Variants in MSH4 observed in about 807,000 individuals in gnomAD.
MSH4 encodes mutS protein homolog 4.
In MSH4, 106 loss-of-function variants were observed where a neutral mutation model predicts 113.7. The observed-to-expected ratio is 0.93, with a 90% CI of 0.80 to 1.10. The LOEUF (loss-of-function observed/expected upper bound fraction) is 1.10. Ranked by LOEUF, MSH4 falls within the 50% of genes least tolerant of loss-of-function variation. MSH4 has a pLI of 0.00. For synonymous variants in MSH4, 368 were observed against 380.2 expected (o/e 0.97, Z 0.37); for missense variants, 1,061 against 1,093.7 (o/e 0.97, Z 0.42).
chr1:75,846,868 T>C (rs1264272422), intron 7 of MSH4, among the ~76,000 whole-genome samples: 3 of 152,216 alleles, frequency 2.0e-5, no homozygotes, highest in African/African-American at 4.8e-5. Flanking sequence ...GTATTTGTTA[T>C]AGCAACAACC....
intron 6 of MSH4, among the ~76,000 whole-genome samples, chr1:75,820,472 TATTA>T (rs1177291920): frequency 1.3e-4 from 20 of 152,242 alleles, no homozygotes; most frequent in Non-Finnish European, 2.8e-4. Flanking sequence ...GTTGGTAAGC[TATTA>T]ATTATTGCCT....
At chr1:75,797,774 TATCTCTACTA>T (rs1490756145) in intron 1 of MSH4, among the ~76,000 whole-genome samples, 1 of 152,054 alleles carries the variant, frequency 6.6e-6, no homozygotes, top group Non-Finnish European at 1.5e-5. Flanking sequence ...CCCCATCCCC[TATCTCTACTA>T]AAAGTACAAA....
At position 75,858,432 on chromosome 1, in the gene MSH4, T is replaced by A. The variant is rs369224019; in HGVS notation, c.1231-9082T>A. ...ATTAATAGCTCTTATTATGTTGAGATACATTCCATTGATACCCACTTTATT... is the reference window on the plus strand; with the variant it reads ...ATTAATAGCTCTTATTATGTTGAGAAACATTCCATTGATACCCACTTTATT... On this transcript the variant is annotated intron_variant, in intron 8 of 19. Transcript: ENST00000263187. Among the ~76,000 whole-genome samples, 5 of 152,356 alleles carry A rather than the reference T, an allele frequency of 3.3e-5. No homozygotes were observed. In the South Asian group the frequency reaches 1.0e-3, roughly 32 times the overall value.
intron 7 of MSH4, among the ~76,000 whole-genome samples, chr1:75,833,722 G>A (rs112377615): frequency 2.0e-5 from 3 of 152,288 alleles, no homozygotes; most frequent in Non-Finnish European, 2.9e-5. Flanking sequence ...GGGAAAACTG[G>A]CTAGCCATAC....
chr1:75,838,862 C>T (rs896116769), intron 7 of MSH4, among the ~76,000 whole-genome samples: 1 of 152,150 alleles, frequency 6.6e-6, no homozygotes, highest in African/African-American at 2.4e-5. Flanking sequence ...TTGCTACAGG[C>T]CTTTCTAATT....
rs12033059 is a variant in MSH4 at position 75,837,430 on chromosome 1, A to C, written c.1163-10779A>C. On this transcript the variant is annotated intron_variant, in intron 7 of 19. Transcript: ENST00000263187. Reference sequence around the variant, plus strand: ...TTGAGACGGAGTCTTGCTGTCACCTACCCTGGAGTGCAATGGTGCAATCTC... The same window carrying C: ...TTGAGACGGAGTCTTGCTGTCACCTCCCCTGGAGTGCAATGGTGCAATCTC... Among the ~76,000 whole-genome samples the C allele has an allele frequency of 3.8e-3, 503 of 132,756 alleles. 3 individuals are homozygous for C. Among genetic ancestry groups the C allele is most frequent in the South Asian group, 0.016 (67 of 4,298 alleles). 87.1% of individuals were successfully genotyped at this position (132,756 alleles called of 152,430 possible).
intron 7 of MSH4, among the ~76,000 whole-genome samples, chr1:75,840,592 A>G (rs886603480): frequency 3.3e-5 from 5 of 149,666 alleles, no homozygotes; most frequent in Admixed American, 2.0e-4. Flanking sequence ...TGGGTGCAGC[A>G]CACCAGCATG....
At position 75,889,134 on chromosome 1, in the gene MSH4, A is replaced by G. The variant is rs181268938; in HGVS notation, c.2108-117A>G. On this transcript the variant is annotated intron_variant, in intron 15 of 19. Coordinates refer to ENST00000263187, the MANE Select transcript of MSH4 (RefSeq NM_002440.4). ...AACTGGGGTCATGTCTTCTAATGCC[A>G]TATCTAGTGTTCTTTCTACCATATA... 6.2e-4 allele frequency: 343 copies of G among 553,852 alleles called. 2 individuals are homozygous for G. Among genetic ancestry groups the G allele is most frequent in the African/African-American group, 5.9e-3 (293 of 49,562 alleles). The allele number at this position is 553,852 out of a possible 1,614,324, so 34.3% of individuals were successfully genotyped here. A position where few individuals can be genotyped will look rare whatever the true frequency, so the allele number is the denominator to read the frequency against.
chr1:75,810,194 T>A (rs1326394909), intron 3 of MSH4, among the ~76,000 whole-genome samples: 2 of 148,548 alleles, frequency 1.3e-5, no homozygotes, highest in Non-Finnish European at 3.0e-5. Flanking sequence ...TAGAAATATA[T>A]ATACATATAT....
chr1:75,840,068 G>A (rs1650919069), intron 7 of MSH4, among the ~76,000 whole-genome samples: 3 of 152,018 alleles, frequency 2.0e-5, no homozygotes, highest in Non-Finnish European at 4.4e-5. Flanking sequence ...TACACTGTTG[G>A]TGGGACTGTA....
At chr1:75,911,081 T>C (rs1354395882) in intron 19 of MSH4, among the ~76,000 whole-genome samples, 1 of 151,970 alleles carries the variant, frequency 6.6e-6, no homozygotes, top group Non-Finnish European at 1.5e-5. Flanking sequence ...TTACCTGCAT[T>C]AGAATTGCCT....
intron 17 of MSH4, among the ~76,000 whole-genome samples, chr1:75,895,409 C>T (rs1302379135): frequency 1.3e-5 from 2 of 152,122 alleles, no homozygotes; most frequent in Non-Finnish European, 2.9e-5. Flanking sequence ...ATTTGGTTCA[C>T]CCCACTAGTT....
In MSH4 at chr1:75,848,271, G is replaced by T. The variant is rs1188576931; in HGVS notation, c.1225G>T (p.Asp409Tyr). ...LSVLVQIPKQ[D>Y]TVNAAESKIT... ...TGTTTTAGTCCAAATTCCAAAGCAA[G>T]ACACGGTATGTTTTTGTATACATTT... The change falls in exon 8 of 20, where the codon GAC (aspartate) becomes TAC (tyrosine). Residue 409 changes from aspartate (D) to tyrosine (Y), a missense_variant. Asp to Tyr is a radical substitution (Grantham distance 160). Transcript: ENST00000263187. 1.3e-6 allele frequency: 2 copies of T among 1,595,480 alleles called. No homozygotes were observed. The highest frequency in any genetic ancestry group is 1.7e-5 in the Admixed American group (1 of 59,690).
At chr1:75,813,849 A>G (rs1055039220) in intron 4 of MSH4, among the ~76,000 whole-genome samples, 1 of 148,790 alleles carries the variant, frequency 6.7e-6, no homozygotes, top group African/African-American at 2.5e-5. Context: ...CTCTCTTAAG[A>G]AAAAAAAACA....
At chr1:75,807,997 A>G (rs1312951357) in intron 3 of MSH4, among the ~76,000 whole-genome samples, 1 of 152,200 alleles carries the variant, frequency 6.6e-6, no homozygotes, top group Non-Finnish European at 1.5e-5. Flanking sequence ...CGTTATCACA[A>G]CATTGACTGT....
At position 75,797,293 on chromosome 1, in the gene MSH4, G is replaced by C. The variant is rs879009253; in HGVS notation, c.244+64G>C. 24 of 1,529,412 alleles carry C rather than the reference G, an allele frequency of 1.6e-5. No homozygotes were observed. In the South Asian group the frequency reaches 2.5e-4, roughly 16 times the overall value. The allele number at this position is 1,529,412 out of a possible 1,614,324, so 94.7% of individuals were successfully genotyped here. A position where few individuals can be genotyped will look rare whatever the true frequency, so the allele number is the denominator to read the frequency against. On this transcript the variant is annotated intron_variant, in intron 1 of 19. Transcript: ENST00000263187. ...GAGGCCGGCAGTTCATGGAGGCTCG[G>C]GGGCACGTGGGTGGTGGTTACCACA... is the stretch of plus-strand genomic sequence containing the variant.
intron 14 of MSH4, among the ~76,000 whole-genome samples, chr1:75,882,692 G>A (rs5745480): frequency 3.5e-5 from 5 of 142,266 alleles, no homozygotes; most frequent in South Asian, 4.4e-4. Flanking sequence ...AAAAAAAATC[G>A]GTGAGAAGTG....
chr1:75,854,475 C>T (rs2100550924), intron 8 of MSH4, among the ~76,000 whole-genome samples: 1 of 152,256 alleles, frequency 6.6e-6, no homozygotes, highest in East Asian at 1.9e-4. Context: ...TCCCTCTTCT[C>T]TTGCATGAAT....
At chr1:75,891,407 A>T (rs1477885141) in intron 17 of MSH4, among the ~76,000 whole-genome samples, 1 of 152,014 alleles carries the variant, frequency 6.6e-6, no homozygotes, top group Non-Finnish European at 1.5e-5. Flanking sequence ...CCTAAGATGA[A>T]GTTATTTACC....
Sources: allele counts gnomAD v4.1 joint callset (sites outside exome capture counted in the v4.1 genomes callset), GRCh38; gene constraint gnomAD v4.1.1; transcripts MANE v1.5; gene names NCBI Gene and HGNC (gene_info 2026-07-23, HGNC 2026-07-21).